SLC22A2: variants seen among roughly 807,000 people sequenced by gnomAD.
SLC22A2 encodes organic cation transporter 2.
In SLC22A2, 46 loss-of-function variants were observed where a neutral mutation model predicts 60.5. The ratio of observed to expected loss-of-function variants is 0.76; its 90% CI spans 0.60 to 0.97. SLC22A2 has a LOEUF of 0.97. Ranked by LOEUF, SLC22A2 falls within the 50% of genes least tolerant of loss-of-function variation. The pLI, the probability that SLC22A2 is intolerant of heterozygous loss-of-function variation, is 0.00. For missense variants in SLC22A2, 701 were observed against 706.6 expected, an observed-to-expected ratio of 0.99 and a Z score of 0.09; for synonymous variants, 303 against 267.0, an observed-to-expected ratio of 1.13 and a Z score of -1.31.
In SLC22A2 at chr6:160,216,905, C is replaced by G. The variant is rs947751517; in HGVS notation, c.*527G>C. 1.3e-5 allele frequency: 2 copies of G among 152,052 alleles called. No individual in the cohort carries two copies. The highest frequency in any genetic ancestry group is 2.9e-5 in the Non-Finnish European group (2 of 68,036). The allele number at this position is 152,052 out of a possible 1,614,324, so 9.4% of individuals were successfully genotyped here. ...CTTTTATTTGAGATTCACTTTAAGT[C>G]TAACCTAGATAATAATCAATGTATT... On this transcript the variant is annotated 3_prime_UTR_variant, in exon 11 of 11. Transcript: ENST00000366953.
At chr6:160,256,758 G>C in intron 1 of SLC22A2, 41 bp from the exon 2 acceptor site, 1 of 1,337,770 alleles carries the variant, frequency 7.5e-7, no homozygotes. Context: ...GGAGAGAAAG[G>C]AAATGAAATC....
rs763735554 is a variant in SLC22A2 at position 160,258,324 on chromosome 6, C to A, written c.414+20G>T. On this transcript the variant is annotated intron_variant, in intron 1 of 10. Transcript: ENST00000366953. ...TCCACCATTTGCTTCTCCATCTGAG[C>A]CCTGAGCTCACTCTCTTACCTCGGT... 12 of 1,582,304 alleles carry A rather than the reference C, an allele frequency of 7.6e-6. No homozygotes were observed. The highest frequency in any genetic ancestry group is 2.7e-5 in the African/African-American group (2 of 74,050).
chr6:160,217,667 A>C (rs1334882506), intron 10 of SLC22A2, among the ~76,000 whole-genome samples, 169 bp from the exon 11 acceptor site: 1 of 152,128 alleles, frequency 6.6e-6, no homozygotes, highest in Non-Finnish European at 1.5e-5. Flanking sequence ...AATGGACAGA[A>C]CTTGTTGATA....
intron 8 of SLC22A2, among the ~76,000 whole-genome samples, chr6:160,241,887 A>G (rs989094595): frequency 9.9e-5 from 15 of 151,936 alleles, no homozygotes; most frequent in Non-Finnish European, 2.1e-4. Flanking sequence ...TTATATATAT[A>G]TATATATACA....
chr6:160,243,682 G>A lies in SLC22A2; in HGVS notation c.1169C>T (p.Ala390Val), dbSNP rs2114864617. 2 of 1,613,982 alleles carry A rather than the reference G, an allele frequency of 1.2e-6. No homozygotes were observed. The highest frequency in any genetic ancestry group is 1.7e-6 in the Non-Finnish European group (2 of 1,179,878). Reference protein sequence around the residue: ...FFYSALVEFPAAFMIILTIDR... With the variant: ...FFYSALVEFPVAFMIILTIDR... ...GATGGTGAGGATGATCATGAAGGCAGCTGGGAATTCAACCAGGGCAGAGTA... is the reference window on the plus strand; with the variant it reads ...GATGGTGAGGATGATCATGAAGGCAACTGGGAATTCAACCAGGGCAGAGTA... Residue 390 changes from alanine to valine, a missense_variant, in exon 7 of 11, where the codon GCT becomes GTT. Physicochemically the swap from Ala to Val is moderately conservative, Grantham distance 64 (BLOSUM62 0). Transcript: ENST00000366953.
At chr6:160,223,928 C>A (rs951031784) in intron 10 of SLC22A2, among the ~76,000 whole-genome samples, 2 of 152,110 alleles carry the variant, frequency 1.3e-5, no homozygotes, top group African/African-American at 4.8e-5. Context: ...GACGGGGTTT[C>A]ACCATGTTAC....
intron 7 of SLC22A2, among the ~76,000 whole-genome samples, chr6:160,243,155 A>G (rs1734544319): frequency 6.6e-6 from 1 of 152,180 alleles, no homozygotes. Context: ...GAAAAAGGGA[A>G]CTGAATAGTT....
In SLC22A2 at chr6:160,243,031, G is replaced by A. The variant is rs143981739; in HGVS notation, c.1279+541C>T. On this transcript the variant is annotated intron_variant, in intron 7 of 10. Transcript: ENST00000366953. ...GAAGTCAAAGAAAGAGCAAAATATG[G>A]GCACATTTAAACAACTGCTAATAAC... 3.9e-3 allele frequency among the ~76,000 whole-genome samples: 589 copies of A among 152,162 alleles called. 11 individuals carry two copies. The highest frequency in any genetic ancestry group is 0.02 in the Admixed American group (305 of 15,290).
intron 7 of SLC22A2, 63 bp downstream of exon 7, chr6:160,243,509 G>A: frequency 3.4e-6 from 4 of 1,168,724 alleles, no homozygotes; most frequent in Non-Finnish European, 3.9e-6. Flanking sequence ...CCTATCAATG[G>A]GCCGTGACAC....
intron 9 of SLC22A2, among the ~76,000 whole-genome samples, chr6:160,227,330 T>G (rs978667296): frequency 6.6e-6 from 1 of 152,234 alleles, no homozygotes; most frequent in Non-Finnish European, 1.5e-5. Flanking sequence ...TTTCTATTGA[T>G]TCCGGACCTT....
intron 6 of SLC22A2, chr6:160,244,860 C>A (rs1698962884): frequency 6.6e-6 from 1 of 152,156 alleles, no homozygotes; most frequent in South Asian, 2.1e-4. Context: ...CTGAGAGCAG[C>A]CTGTAGGTAG....
At chr6:160,224,585 G>C (rs1782693437) in intron 10 of SLC22A2, 120 bp downstream of exon 10, 4 of 491,986 alleles carry the variant, frequency 8.1e-6, no homozygotes, top group Middle Eastern at 6.3e-4. Flanking sequence ...CTTTGATTTA[G>C]TTTGAATTTA....
At position 160,247,240 on chromosome 6, in the gene SLC22A2, T is replaced by C. The variant is rs933289241; in HGVS notation, c.901A>G (p.Arg301Gly). The change falls in exon 5 of 11, where the codon AGA becomes GGA. Residue 301 changes from arginine to glycine, a missense_variant. Transcript: ENST00000366953. ...ISQNKNAEAM[R>G]IIKHIAKKNG... The stretch of plus-strand genomic sequence containing the variant: ...TTCTTTGCGATGTGCTTAATGATTC[T>C]CATGGCTTCAGCATTCTTATTCTGG... The C allele has an allele frequency of 1.2e-6, 2 of 1,613,898 alleles. No homozygotes were observed. The highest frequency in any genetic ancestry group is 1.7e-6 in the Non-Finnish European group (2 of 1,179,764).
At chr6:160,249,740 C>T (rs1434118280) in intron 3 of SLC22A2, among the ~76,000 whole-genome samples, 4 of 152,098 alleles carry the variant, frequency 2.6e-5, no homozygotes, top group East Asian at 3.9e-4. Flanking sequence ...AAATTTAGAC[C>T]GTAGATGATT....
At chr6:160,242,725 A>C (rs1014548203) in intron 7 of SLC22A2, among the ~76,000 whole-genome samples, 2 of 152,042 alleles carry the variant, frequency 1.3e-5, no homozygotes, top group East Asian at 3.9e-4. Flanking sequence ...CCCACTGCCC[A>C]TCATCGACAT....
intron 9 of SLC22A2, among the ~76,000 whole-genome samples, chr6:160,226,498 C>T (rs967604657): frequency 1.4e-4 from 22 of 152,192 alleles, no homozygotes; most frequent in Admixed American, 1.4e-3. Context: ...GCCAACTGTT[C>T]AAACCATGTT....
At chr6:160,237,215 T>C (rs973711987) in intron 9 of SLC22A2, among the ~76,000 whole-genome samples, 1 of 152,192 alleles carries the variant, frequency 6.6e-6, no homozygotes, top group Non-Finnish European at 1.5e-5. Flanking sequence ...TCTGGATCAA[T>C]ATTCTAATTC....
chr6:160,245,508 T>A lies in SLC22A2; in HGVS notation c.995A>T (p.Asn332Ile). The A allele has an allele frequency of 6.2e-7, 1 of 1,610,692 alleles. No individual in the cohort carries two copies. The highest frequency in any genetic ancestry group is 8.5e-7 in the Non-Finnish European group (1 of 1,178,174). The change falls in exon 6 of 11, where the codon AAC becomes ATC. Residue 332 changes from asparagine to isoleucine, a missense_variant. Asn to Ile is a moderately radical substitution (Grantham distance 149, BLOSUM62 -3). Transcript: ENST00000366953. ...RLEEETGKKL[N>I]PSFLDLVRTP... The stretch of plus-strand genomic sequence containing the variant: ...TCTGACCAAGTCAAGAAATGAAGGG[T>A]TCAATTTCTTGCCAGTTTCCTCTTC...
intron 5 of SLC22A2, among the ~76,000 whole-genome samples, chr6:160,245,930 C>T (rs1372303461): frequency 6.8e-6 from 1 of 147,238 alleles, no homozygotes; most frequent in Non-Finnish European, 1.5e-5. Context: ...TGCAGTGGCA[C>T]GATCTTGGCT....
Sources: allele counts gnomAD v4.1 joint callset (sites outside exome capture counted in the v4.1 genomes callset), GRCh38; gene constraint gnomAD v4.1.1; transcripts MANE v1.5; gene names NCBI Gene and HGNC (gene_info 2026-07-23, HGNC 2026-07-21).